Variants in DNAH5 observed in about 807,000 individuals in gnomAD.
DNAH5 encodes dynein axonemal heavy chain 5, also known as axonemal beta dynein heavy chain 5.
A neutral mutation model predicts 518.2 loss-of-function variants in DNAH5; 372 were observed. That is an observed-to-expected ratio of 0.72 (90% CI 0.66 to 0.78). DNAH5 has a LOEUF of 0.78. DNAH5 is among the 30% of genes least tolerant of loss of function. The pLI is 0.00. For missense variants in DNAH5, 5,523 were observed against 5,687.0 expected (o/e 0.97, Z 0.93); for synonymous variants, 2,039 against 2,025.9 (o/e 1.01, Z -0.17).
Position 13,762,809 on chromosome 5 carries a change from G to C in DNAH5, c.10194C>G (p.Arg3398=), listed in dbSNP as rs371663826. ...AAAGACCAGCTACATTTCCACATAC[G>C]CGTTTAGCAGTTTCGATGTTATAGT... ...MPDYNIETAK[R]VCGNVAGLCS... Residue 3398 remains arginine (R), a synonymous_variant, in exon 60 of 79, where the codon CGC becomes CGG. Coordinates refer to ENST00000265104, the MANE Select transcript of DNAH5 (RefSeq NM_001369.3). 6.2e-7 allele frequency: 1 copy of C among 1,614,006 alleles called. No individual in the cohort carries two copies. Among genetic ancestry groups the C allele is most frequent in the South Asian group, 1.1e-5 (1 of 91,086 alleles).
At chr5:13,985,587 T>C (rs1782997978) in intron 1 of DNAH5, among the ~76,000 whole-genome samples, 1 of 152,036 alleles carries the variant, frequency 6.6e-6, no homozygotes, top group Non-Finnish European at 1.5e-5. Flanking sequence ...CCAGCAGAAC[T>C]GTTAGATAAC....
At position 13,753,390 on chromosome 5, in the gene DNAH5, G is replaced by A; in HGVS notation, c.10715C>T (p.Thr3572Ile). 1 of 1,613,946 alleles carries A rather than the reference G, an allele frequency of 6.2e-7. No individual in the cohort carries two copies. The highest frequency in any genetic ancestry group is 8.5e-7 in the Non-Finnish European group (1 of 1,179,860). The change falls in exon 63 of 79, where the codon ACT (threonine) becomes ATT (isoleucine). Residue 3572 changes from threonine (T) to isoleucine (I), a missense_variant. Physicochemically the swap from Thr to Ile is moderately conservative, Grantham distance 89. Around this residue, in one of 3 missense-constraint regions of DNAH5, gnomAD observed 5,121 missense variants for 5,223.3 expected, o/e 0.98. Transcript: ENST00000265104. ...NLSEMLIDAP[T>I]ISEWNLQGLP... is the part of the protein sequence containing the mutation. The stretch of plus-strand genomic sequence containing the variant: ...ACCTTGGAGGTTCCATTCACTAATA[G>A]TAGGAGCATCAATCAACATCTCACT...
chr5:13,841,633 T>C, intron 33 of DNAH5, 59 bp downstream of exon 33: 2 of 1,338,866 alleles, frequency 1.5e-6, no homozygotes, highest in South Asian at 1.2e-5. Context: ...CAATAGGTAA[T>C]GTCTGAGACT....
intron 1 of DNAH5, among the ~76,000 whole-genome samples, chr5:13,977,362 T>C (rs1035015540): frequency 1.3e-5 from 2 of 152,190 alleles, no homozygotes; most frequent in African/African-American, 4.8e-5. Context: ...CTCCCGTCTC[T>C]GTCCCCAGCT....
chr5:13,798,886 C>T (rs547375716), intron 47 of DNAH5, among the ~76,000 whole-genome samples: 34 of 151,934 alleles, frequency 2.2e-4, no homozygotes, highest in African/African-American at 7.7e-4. Flanking sequence ...CCTGCCTCAG[C>T]CTCCCAGTAG....
intron 30 of DNAH5, among the ~76,000 whole-genome samples, chr5:13,857,801 C>A (rs1327439744): frequency 6.6e-6 from 1 of 152,156 alleles, no homozygotes; most frequent in Non-Finnish European, 1.5e-5. Flanking sequence ...GGAAAACTGG[C>A]TAGCCATATG....
At chr5:13,979,965 G>A (rs1450344785) in intron 1 of DNAH5, among the ~76,000 whole-genome samples, 3 of 150,444 alleles carry the variant, frequency 2.0e-5, no homozygotes, top group Admixed American at 6.7e-5. Flanking sequence ...TCAGCCTCCC[G>A]AGCAGCTGGG....
chr5:13,778,596 A>AAGAAAGAAAGAAAGAAAGAAAGAGAG (rs768853052), intron 53 of DNAH5, among the ~76,000 whole-genome samples: 61 of 102,166 alleles, frequency 6.0e-4, no homozygotes, highest in Non-Finnish European at 6.8e-4. Flanking sequence ...GAAAGAAAGA[A>AAGAAAGAAAGAAAGAAAGAAAGAGAG]AGAGAGAGAG....
intron 1 of DNAH5, among the ~76,000 whole-genome samples, chr5:13,937,924 T>C (rs150589278): frequency 2.0e-4 from 30 of 152,342 alleles, no homozygotes; most frequent in African/African-American, 7.2e-4. Flanking sequence ...ATGTATTCTA[T>C]GAATTACAGC....
At chr5:13,923,807 G>A (rs568022378) in intron 3 of DNAH5, among the ~76,000 whole-genome samples, 2 of 152,196 alleles carry the variant, frequency 1.3e-5, no homozygotes, top group African/African-American at 2.4e-5. Flanking sequence ...ACTTTGAGAG[G>A]CCGAGGCGGG....
intron 42 of DNAH5, among the ~76,000 whole-genome samples, 180 bp from the exon 43 acceptor site, chr5:13,815,026 A>G (rs190680662): frequency 6.6e-6 from 1 of 152,352 alleles, no homozygotes; most frequent in Admixed American, 6.5e-5. Context: ...AGATCTTTAT[A>G]TAGTAGTCAA....
chr5:13,902,974 T>A (rs923462107), intron 12 of DNAH5, among the ~76,000 whole-genome samples: 1 of 152,056 alleles, frequency 6.6e-6, no homozygotes, highest in Non-Finnish European at 1.5e-5. Context: ...TGAAAACCCA[T>A]GAGAAAATCA....
In DNAH5 at chr5:13,923,420, C is replaced by A. The variant is rs764244707; in HGVS notation, c.298G>T (p.Gly100Trp). The A allele has an allele frequency of 1.2e-6, 2 of 1,613,986 alleles. No individual in the cohort carries two copies. The highest frequency in any genetic ancestry group is 1.3e-5 in the African/African-American group (1 of 74,916). Residue 100 changes from glycine (G) to tryptophan (W), a missense_variant, in exon 4 of 79, where the codon GGG (glycine) becomes TGG (tryptophan). Gly to Trp is a radical substitution (Grantham distance 184). Coordinates refer to ENST00000265104, the MANE Select transcript of DNAH5 (RefSeq NM_001369.3). ...ATCTTTCCAGAAACAAGATTTACCC[C>A]TCCTAGAGAGCCAAGTTGTCCTACA... The part of the protein sequence containing the change: ...AETGQLGSLG[G>W]VNLVSGKIKK...
rs1484519595 is a variant in DNAH5 at position 13,867,769 on chromosome 5, C to T, written c.4053+5G>A. The T allele has an allele frequency of 6.2e-7, 1 of 1,609,894 alleles. No individual in the cohort carries two copies. The highest frequency in any genetic ancestry group is 2.2e-5 in the East Asian group (1 of 44,858). The stretch of plus-strand genomic sequence containing the variant: ...AAACGCACACAGAGAAAGCCAGAGA[C>T]ATACCAAATCATAGTCCAGATAAAA... On this transcript the variant is annotated splice_donor_5th_base_variant and intron_variant, in intron 25 of 78. Coordinates refer to ENST00000265104, the MANE Select transcript of DNAH5 (RefSeq NM_001369.3).
Position 13,764,365 on chromosome 5 carries a change from C to A in DNAH5, c.10102-1464G>T, listed in dbSNP as rs551824469. ...AAAATATTTGCAAACATATAAATGA[C>A]AAATTAGTCATATTTTACATATAAG... On this transcript the variant is annotated intron_variant, in intron 59 of 78. Coordinates refer to ENST00000265104, the MANE Select transcript of DNAH5 (RefSeq NM_001369.3). 3.3e-5 allele frequency among the ~76,000 whole-genome samples: 5 copies of A among 152,056 alleles called. No homozygotes were observed. In the East Asian group the frequency reaches 9.7e-4, roughly 29 times the overall value.
At chr5:13,836,420 A>G (rs1263156256) in intron 35 of DNAH5, among the ~76,000 whole-genome samples, 1 of 152,194 alleles carries the variant, frequency 6.6e-6, no homozygotes, top group African/African-American at 2.4e-5. Context: ...AGAAACATGA[A>G]GAGGAACGAG....
intron 74 of DNAH5, among the ~76,000 whole-genome samples, chr5:13,715,363 A>G (rs2243725): frequency 0.39 from 59,352 of 151,852 alleles, 11,661 homozygotes; most frequent in South Asian, 0.44. Context: ...TACCTCAAAT[A>G]AACTGTGAGA....
chr5:13,886,178 A>T, intron 17 of DNAH5, 49 bp from the exon 18 acceptor site: 1 of 1,528,418 alleles, frequency 6.5e-7, no homozygotes, highest in Non-Finnish European at 8.8e-7. Flanking sequence ...TATATGGTTT[A>T]TCTAGCTTTT....
intron 65 of DNAH5, among the ~76,000 whole-genome samples, chr5:13,748,217 T>C (rs1283560079): frequency 2.0e-5 from 3 of 152,224 alleles, no homozygotes; most frequent in Non-Finnish European, 4.4e-5. Flanking sequence ...CTGAGGGTTC[T>C]GTTCTGTTCC....
Sources: allele counts gnomAD v4.1 joint callset (sites outside exome capture counted in the v4.1 genomes callset), GRCh38; gene constraint gnomAD v4.1.1; regional missense constraint gnomAD v4.1.1; transcripts MANE v1.5; gene names NCBI Gene and HGNC (gene_info 2026-07-23, HGNC 2026-07-21).